The following RBFOX3 variants were observed in gnomAD, a reference collection of about 807,000 sequenced individuals.
RBFOX3 encodes the protein RNA binding fox-1 homolog 3, also known as RNA binding protein fox-1 homolog 3.
In RBFOX3, 17 loss-of-function variants were observed where a neutral mutation model predicts 48.7. The ratio of observed to expected loss-of-function variants is 0.35; its 90% CI spans 0.24 to 0.52. RBFOX3 has a LOEUF of 0.52. Among genes scored for constraint, RBFOX3 ranks in the 20% least tolerant of loss-of-function variants. The pLI is 0.94. For synonymous variants in RBFOX3, 212 were observed against 209.5 expected (o/e 1.01, Z -0.10); for missense variants, 382 against 497.5 (o/e 0.77, Z 2.21).
Position 79,201,140 on chromosome 17 carries a change from G to A in RBFOX3, c.-34+34626C>T, listed in dbSNP as rs1004375155. 5.3e-5 allele frequency among the ~76,000 whole-genome samples: 8 copies of A among 151,270 alleles called. No homozygotes were observed. The East Asian group carries it at 5.9e-4, about 11-fold the overall frequency. ...CAACAAGAGGTGCATCAGATCATCC[G>A]GATCCGATGGAGCTGTAACCAGATC... is the stretch of plus-strand genomic sequence containing the variant. On this transcript the variant is annotated intron_variant, in intron 4 of 14. Coordinates refer to ENST00000693108, the MANE Select transcript of RBFOX3 (RefSeq NM_001350451.2).
the RBFOX3 span, among the ~76,000 whole-genome samples, chr17:79,647,632 G>A: frequency 6.6e-6 from 1 of 152,144 alleles, no homozygotes. Flanking sequence ...ATCTGTGGGA[G>A]CACCAGAGAA....
chr17:79,260,384 G>C (rs1402727751), intron 3 of RBFOX3, among the ~76,000 whole-genome samples: 1 of 152,226 alleles, frequency 6.6e-6, no homozygotes, highest in Non-Finnish European at 1.5e-5. Flanking sequence ...TGGGCCCTGA[G>C]TGGAACCCAG....
intron 2 of RBFOX3, among the ~76,000 whole-genome samples, chr17:79,317,904 C>T (rs1359910981): frequency 6.6e-6 from 1 of 152,204 alleles, no homozygotes; most frequent in Non-Finnish European, 1.5e-5. Flanking sequence ...TCTCAAGTAA[C>T]ATGCTAACTT....
chr17:79,174,886 C>T (rs1029791035), intron 4 of RBFOX3, among the ~76,000 whole-genome samples: 1 of 152,234 alleles, frequency 6.6e-6, no homozygotes, highest in African/African-American at 2.4e-5. Context: ...TTGCAGGGTA[C>T]AGCCACGAAT....
intron 4 of RBFOX3, among the ~76,000 whole-genome samples, chr17:79,197,482 AG>A (rs573350802): frequency 7.0e-6 from 1 of 143,772 alleles, no homozygotes; most frequent in South Asian, 2.2e-4. Context: ...TCTGCCTCCC[AG>A]GTTCGAGCGA....
chr17:79,612,593 G>T (rs1247627259), upstream of RBFOX3, among the ~76,000 whole-genome samples: 2 of 152,332 alleles, frequency 1.3e-5, no homozygotes, highest in Non-Finnish European at 2.9e-5. Flanking sequence ...GTCTTGGCCG[G>T]TGGGAATCGT....
At chr17:79,501,325 G>A (rs898604656) in intron 1 of RBFOX3, among the ~76,000 whole-genome samples, 3 of 152,160 alleles carry the variant, frequency 2.0e-5, no homozygotes, top group Non-Finnish European at 2.9e-5. Flanking sequence ...CATGTCCAGC[G>A]GAAGGTCCCA....
At chr17:79,556,296 C>A (rs1048444885) in intron 1 of RBFOX3, among the ~76,000 whole-genome samples, 3 of 152,080 alleles carry the variant, frequency 2.0e-5, no homozygotes, top group African/African-American at 7.2e-5. Context: ...CCTGGGAACC[C>A]AAAGAAATGA....
chr17:79,284,445 G>A (rs959586226), intron 3 of RBFOX3, among the ~76,000 whole-genome samples: 1 of 152,190 alleles, frequency 6.6e-6, no homozygotes, highest in Non-Finnish European at 1.5e-5. Context: ...AAAATAGGGA[G>A]GAGAGTGCGT....
intron 5 of RBFOX3, among the ~76,000 whole-genome samples, chr17:79,108,464 G>A (rs531762661): frequency 4.6e-5 from 7 of 152,346 alleles, no homozygotes; most frequent in East Asian, 1.9e-4. Flanking sequence ...CATCTGTCGC[G>A]GGCAACCAAA....
At chr17:79,626,039 G>C in the RBFOX3 span, among the ~76,000 whole-genome samples, 1 of 152,238 alleles carries the variant, frequency 6.6e-6, no homozygotes, top group Non-Finnish European at 1.5e-5. Flanking sequence ...GTTTATTGAA[G>C]TGAACAGAAC....
At chr17:79,498,809 A>G (rs1472349802) in intron 1 of RBFOX3, among the ~76,000 whole-genome samples, 6 of 149,398 alleles carry the variant, frequency 4.0e-5, no homozygotes, top group Non-Finnish European at 7.4e-5. Flanking sequence ...CCTTCCATCC[A>G]CTTACCCATC....
intron 2 of RBFOX3, among the ~76,000 whole-genome samples, chr17:79,439,689 T>C (rs375655907): frequency 6.6e-6 from 1 of 152,218 alleles, no homozygotes; most frequent in Non-Finnish European, 1.5e-5. Flanking sequence ...TGTGCACACG[T>C]GCCTCTGCAC....
chr17:79,498,868 T>TCATCCATC (rs56766707), intron 1 of RBFOX3, among the ~76,000 whole-genome samples: 34,523 of 135,472 alleles, frequency 0.25, 5,677 homozygotes, highest in African/African-American at 0.36. Context: ...ACCCATTCGC[T>TCATCCATC]CATCCATCCA....
At chr17:79,335,536 C>T (rs975693670) in intron 2 of RBFOX3, among the ~76,000 whole-genome samples, 8 of 152,212 alleles carry the variant, frequency 5.3e-5, no homozygotes, top group African/African-American at 1.9e-4. Flanking sequence ...GGACTCCAGC[C>T]AGCCTCTCAT....
chr17:79,165,241 T>C (rs1485719004), intron 4 of RBFOX3, among the ~76,000 whole-genome samples: 1 of 152,140 alleles, frequency 6.6e-6, no homozygotes, highest in East Asian at 1.9e-4. Context: ...CCTTGTGTCA[T>C]CTTCTGAAAG....
chr17:79,162,761 G>A (rs369515302), intron 4 of RBFOX3, among the ~76,000 whole-genome samples: 1 of 152,172 alleles, frequency 6.6e-6, no homozygotes, highest in East Asian at 1.9e-4. Context: ...GCGGGCGGGG[G>A]TCTCCCGCGG....
chr17:79,625,144 C>CCCT, the RBFOX3 span, among the ~76,000 whole-genome samples: 16 of 152,038 alleles, frequency 1.1e-4, no homozygotes, highest in South Asian at 4.2e-4. Flanking sequence ...CCCTGATGTG[C>CCCT]CCTCCTCCTC....
At chr17:79,270,574 A>G (rs2067486033) in intron 3 of RBFOX3, among the ~76,000 whole-genome samples, 1 of 152,220 alleles carries the variant, frequency 6.6e-6, no homozygotes, top group Admixed American at 6.5e-5. Flanking sequence ...AAGGGCCGCC[A>G]TTTCTCACTG....
Sources: gnomAD v4.1 joint callset for allele counts (sites outside exome capture counted in the v4.1 genomes callset) on GRCh38, gnomAD v4.1.1 for gene constraint, MANE v1.5 for transcripts, NCBI Gene and HGNC (gene_info 2026-07-23, HGNC 2026-07-21) for gene names.